Variants in RP1 observed in about 807,000 individuals in gnomAD.
RP1 encodes RP1 axonemal microtubule associated.
Under a neutral mutation model 14.8 loss-of-function variants are expected in RP1, and 16 were observed. The ratio of observed to expected loss-of-function variants is 1.08; its 90% confidence interval spans 0.73 to 1.65. The LOEUF (loss-of-function observed/expected upper bound fraction) is 1.65, where lower values mean the gene tolerates loss of function less well. Among genes scored for constraint, RP1 ranks in the 40% most tolerant of loss-of-function variants. The pLI is 0.00. For synonymous variants in RP1, 876 were observed against 883.6 expected (o/e 0.99, Z 0.15); for missense variants, 2,631 against 2,535.0 (o/e 1.04, Z -0.81).
chr8:54,583,280 C>G (rs1563318023), intron 1 of RP1, among the ~76,000 whole-genome samples: 1 of 152,130 alleles, frequency 6.6e-6, no homozygotes, highest in Non-Finnish European at 1.5e-5. Flanking sequence ...GTCGTTGGTT[C>G]TGTTTATATG....
At chr8:54,743,596 A>G (rs1187084712) in intron 19 of RP1, among the ~76,000 whole-genome samples, 2 of 152,094 alleles carry the variant, frequency 1.3e-5, no homozygotes, top group African/African-American at 2.4e-5. Flanking sequence ...TGATGCTGAA[A>G]TCATCCTTCA....
downstream of RP1, among the ~76,000 whole-genome samples, chr8:54,771,951 G>A (rs905755183): frequency 2.6e-5 from 4 of 152,044 alleles, no homozygotes; most frequent in East Asian, 7.7e-4. Context: ...GTAGCTTTAG[G>A]GGGAAGAAAG....
At chr8:54,644,593 CA>C (rs935480918) in intron 3 of RP1, among the ~76,000 whole-genome samples, 3 of 152,104 alleles carry the variant, frequency 2.0e-5, no homozygotes, top group Non-Finnish European at 4.4e-5. Context: ...ATGCTGTTAG[CA>C]AGAGGTTGTT....
chr8:54,742,771 CTT>C (rs1476931235), intron 19 of RP1, among the ~76,000 whole-genome samples: 1 of 152,188 alleles, frequency 6.6e-6, no homozygotes. Context: ...TTAGAAGAAA[CTT>C]ACCCATGAGT....
chr8:54,776,913 T>C (rs1810054338), intron 23 of RP1, among the ~76,000 whole-genome samples: 1 of 152,202 alleles, frequency 6.6e-6, no homozygotes, highest in South Asian at 2.1e-4. Flanking sequence ...CCTACCTGAA[T>C]AGTGATACGA....
At chr8:54,689,150 T>G (rs376577244) in intron 12 of RP1, among the ~76,000 whole-genome samples, 41 of 152,072 alleles carry the variant, frequency 2.7e-4, no homozygotes, top group African/African-American at 8.4e-4. Flanking sequence ...TGTGATTTTT[T>G]TACATTGATT....
intron 2 of RP1, among the ~76,000 whole-genome samples, 157 bp from the exon 3 acceptor site, chr8:54,621,960 C>T (rs562716846): frequency 6.6e-6 from 1 of 152,282 alleles, no homozygotes; most frequent in Admixed American, 6.5e-5. Context: ...TTTGGTATTT[C>T]CGCTTATTTT....
chr8:54,671,127 GT>G (rs956106258), intron 7 of RP1, among the ~76,000 whole-genome samples: 7 of 151,624 alleles, frequency 4.6e-5, no homozygotes, highest in African/African-American at 1.2e-4. Context: ...TGGTTGAGAG[GT>G]TTTTTTCTTT....
intron 18 of RP1, among the ~76,000 whole-genome samples, chr8:54,737,724 G>T (rs965710148): frequency 6.6e-6 from 1 of 152,160 alleles, no homozygotes; most frequent in East Asian, 1.9e-4. Context: ...GTCTGTAGGG[G>T]AAAGTGGTGG....
intron 1 of RP1, among the ~76,000 whole-genome samples, chr8:54,564,916 A>G (rs1804368002): frequency 6.6e-6 from 1 of 152,012 alleles, no homozygotes; most frequent in African/African-American, 2.4e-5. Context: ...CAACTAATTT[A>G]TTTTTTATTT....
chr8:54,780,756 T>C (rs1563374478), intron 23 of RP1, among the ~76,000 whole-genome samples: 1 of 152,186 alleles, frequency 6.6e-6, no homozygotes, highest in East Asian at 1.9e-4. Flanking sequence ...CCATTGTATA[T>C]CAGGGACTTG....
chr8:54,749,088 T>A lies in RP1; in HGVS notation c.2809-5715T>A, dbSNP rs187825839. 1.3e-3 allele frequency among the ~76,000 whole-genome samples: 193 copies of A among 152,232 alleles called. 1 individual carries two copies. Among genetic ancestry groups the A allele is most frequent in the African/African-American group, 4.3e-3 (179 of 41,550 alleles). Reference sequence around the variant, plus strand: ...TTATTTTATTTATTTTGTTTAGGATTAAATACAATTTGTGAAAAGTATTTT... The same window carrying A: ...TTATTTTATTTATTTTGTTTAGGATAAAATACAATTTGTGAAAAGTATTTT... On this transcript the variant is annotated intron_variant, in intron 19 of 22. Coordinates refer to the RP1 transcript ENST00000636932.
At chr8:54,837,787 G>A (rs375406349) in intron 25 of RP1, 17 of 514,246 alleles carry the variant, frequency 3.3e-5, no homozygotes, top group South Asian at 1.1e-4. Flanking sequence ...CTCACACTTC[G>A]TGGGCTATAA....
intron 1 of RP1, among the ~76,000 whole-genome samples, chr8:54,568,043 C>T (rs867691228): frequency 3.3e-5 from 5 of 152,140 alleles, no homozygotes; most frequent in African/African-American, 1.2e-4. Context: ...TCTATTTTTC[C>T]ATTCTGCTGT....
intron 3 of RP1, among the ~76,000 whole-genome samples, chr8:54,646,744 C>T (rs150530871): frequency 6.6e-6 from 1 of 152,234 alleles, no homozygotes; most frequent in East Asian, 1.9e-4. Flanking sequence ...CACTTTTCAG[C>T]CTTTCCATCC....
intron 1 of RP1, among the ~76,000 whole-genome samples, chr8:54,591,181 T>G (rs1040228740): frequency 6.6e-6 from 1 of 152,176 alleles, no homozygotes; most frequent in African/African-American, 2.4e-5. Context: ...CACAATGATC[T>G]CTTTAAAATG....
At chr8:54,843,347 G>A (rs913518259) in intron 25 of RP1, among the ~76,000 whole-genome samples, 1 of 152,124 alleles carries the variant, frequency 6.6e-6, no homozygotes, top group African/African-American at 2.4e-5. Context: ...CTCCCAAAAG[G>A]CTGGGATTAC....
At chr8:54,721,665 T>G (rs2129350875) in intron 16 of RP1, among the ~76,000 whole-genome samples, 1 of 152,250 alleles carries the variant, frequency 6.6e-6, no homozygotes, top group Non-Finnish European at 1.5e-5. Flanking sequence ...CCCCTAAAAT[T>G]TAGTTCTGTT....
downstream of RP1, among the ~76,000 whole-genome samples, chr8:54,773,057 C>G (rs1202795803): frequency 6.6e-6 from 1 of 152,034 alleles, no homozygotes; most frequent in African/African-American, 2.4e-5. Context: ...GGTGTATCCC[C>G]CTTTGGCTTA....
Sources: gnomAD v4.1 joint callset for allele counts (sites outside exome capture counted in the v4.1 genomes callset) on GRCh38, gnomAD v4.1.1 for gene constraint, MANE v1.5 for transcripts, NCBI Gene and HGNC (gene_info 2026-07-23, HGNC 2026-07-21) for gene names.